PCSK5: variants seen among roughly 807,000 people sequenced by gnomAD.
PCSK5 encodes the protein prohormone convertase 5.
Under a neutral mutation model 233.2 loss-of-function variants are expected in PCSK5, and 129 were observed. The ratio of observed to expected loss-of-function variants is 0.55; its 90% confidence interval spans 0.48 to 0.64. PCSK5 has a LOEUF of 0.64. Among genes scored for constraint, PCSK5 ranks in the 30% least tolerant of loss-of-function variants. PCSK5 has a pLI of 0.00. For synonymous variants in PCSK5, 825 were observed against 879.2 expected, an observed-to-expected ratio of 0.94 and a Z score of 1.09; for missense variants, 2,076 against 2,430.1, an observed-to-expected ratio of 0.85 and a Z score of 3.06.
At position 76,068,151 on chromosome 9, in the gene PCSK5, T is replaced by C. The variant is rs553682837; in HGVS notation, c.721+108T>C. On this transcript the variant is annotated intron_variant, in intron 6 of 37. Coordinates refer to ENST00000674117, the MANE Select transcript of PCSK5 (RefSeq NM_001372043.1). ...GAGGTTAAACGATTGGGCATATCTC[T>C]ACCTAATAGTGTTCAACTATTGCTG... is the stretch of plus-strand genomic sequence containing the variant. 63 of 700,260 alleles carry C rather than the reference T, an allele frequency of 9.0e-5. No homozygotes were observed. The East Asian group carries it at 9.1e-4, about 10-fold the overall frequency. 43.4% of individuals were successfully genotyped at this position (700,260 alleles called of 1,614,324 possible). A position where few individuals can be genotyped will look rare whatever the true frequency, so the allele number is the denominator to read the frequency against.
At chr9:75,950,713 A>G (rs1007030467) in intron 2 of PCSK5, among the ~76,000 whole-genome samples, 1 of 152,214 alleles carries the variant, frequency 6.6e-6, no homozygotes, top group Non-Finnish European at 1.5e-5. Flanking sequence ...AAGGAACAAC[A>G]GGTACCAGCC....
chr9:75,962,264 A>G (rs988701583), intron 2 of PCSK5, among the ~76,000 whole-genome samples: 1 of 152,120 alleles, frequency 6.6e-6, no homozygotes, highest in Non-Finnish European at 1.5e-5. Context: ...AAGGGTGGAT[A>G]TGTCGTTCTT....
intron 24 of PCSK5, among the ~76,000 whole-genome samples, chr9:76,246,355 A>C (rs891864546): frequency 9.6e-5 from 14 of 145,466 alleles, no homozygotes; most frequent in African/African-American, 3.6e-4. Context: ...AAAAAAAAAA[A>C]AAAAAAAAAA....
At chr9:76,005,253 C>T (rs910148106) in intron 3 of PCSK5, among the ~76,000 whole-genome samples, 2 of 152,096 alleles carry the variant, frequency 1.3e-5, no homozygotes, top group African/African-American at 4.8e-5. Context: ...TCTTTGGTTC[C>T]AAAGTTGCTT....
intron 17 of PCSK5, among the ~76,000 whole-genome samples, chr9:76,187,263 T>C (rs1222040784): frequency 9.2e-5 from 14 of 152,352 alleles, no homozygotes; most frequent in Admixed American, 6.5e-4. Context: ...CCTGTTTAGA[T>C]ACTGATCTTC....
chr9:76,082,625 A>G (rs1830888457), intron 7 of PCSK5, among the ~76,000 whole-genome samples: 2 of 151,966 alleles, frequency 1.3e-5, no homozygotes. Context: ...CCTTCAGTTT[A>G]CACAATCTGG....
At position 76,059,252 on chromosome 9, in the gene PCSK5, G is replaced by T. The variant is rs146342106; in HGVS notation, c.633-8703G>T. ...TAAATTTGTTTATTTGTAGATTCTG[G>T]ATATTAGACCTTTGTCAGATAGATA... On this transcript the variant is annotated intron_variant, in intron 5 of 37. Coordinates refer to ENST00000674117, the MANE Select transcript of PCSK5 (RefSeq NM_001372043.1). 2.8e-3 allele frequency among the ~76,000 whole-genome samples: 426 copies of T among 152,258 alleles called. 2 individuals are homozygous for T. The highest frequency in any genetic ancestry group is 9.5e-3 in the African/African-American group (396 of 41,542).
chr9:76,150,962 T>C (rs886385942), intron 10 of PCSK5, among the ~76,000 whole-genome samples: 1 of 151,622 alleles, frequency 6.6e-6, no homozygotes, highest in African/African-American at 2.4e-5. Flanking sequence ...CTTTCTTCCG[T>C]AGGAAGTTTC....
chr9:76,063,330 T>TA (rs1375561803), intron 5 of PCSK5, among the ~76,000 whole-genome samples: 1 of 136,120 alleles, frequency 7.3e-6, no homozygotes, highest in Non-Finnish European at 1.6e-5. Flanking sequence ...TTTTTTTTTT[T>TA]TTTTTTTTTT....
At chr9:76,300,842 A>G (rs759111444) in intron 27 of PCSK5, among the ~76,000 whole-genome samples, 2 of 152,204 alleles carry the variant, frequency 1.3e-5, no homozygotes, top group Non-Finnish European at 2.9e-5. Context: ...ATGAAATGAG[A>G]AAATGTATAT....
chr9:76,018,306 A>C (rs1481934810), intron 3 of PCSK5, among the ~76,000 whole-genome samples: 1 of 152,182 alleles, frequency 6.6e-6, no homozygotes, highest in Non-Finnish European at 1.5e-5. Flanking sequence ...ACTAACACAT[A>C]AGGGCTGTTT....
intron 8 of PCSK5, among the ~76,000 whole-genome samples, chr9:76,103,765 C>A (rs368049369): frequency 1.3e-5 from 2 of 152,274 alleles, no homozygotes; most frequent in South Asian, 4.1e-4. Context: ...GGTGTCCTTT[C>A]CAGTTTCCAT....
intron 10 of PCSK5, among the ~76,000 whole-genome samples, chr9:76,152,131 TTATTGA>T (rs761833552): frequency 2.0e-5 from 3 of 152,174 alleles, no homozygotes; most frequent in Non-Finnish European, 4.4e-5. Flanking sequence ...AGGAACTAGA[TTATTGA>T]TATTAACAGC....
chr9:76,345,003 G>C (rs906969522), intron 35 of PCSK5, among the ~76,000 whole-genome samples: 11 of 152,048 alleles, frequency 7.2e-5, no homozygotes, highest in African/African-American at 2.7e-4. Context: ...TTTAGAATTG[G>C]GGGTATATGT....
chr9:75,950,479 A>C (rs1824803755), intron 2 of PCSK5, among the ~76,000 whole-genome samples: 1 of 152,170 alleles, frequency 6.6e-6, no homozygotes, highest in Non-Finnish European at 1.5e-5. Flanking sequence ...CATCAGACTA[A>C]CAGCTGATCT....
At chr9:76,339,094 TCTCAATCTTGCCCC>T (rs1829760202) in intron 35 of PCSK5, among the ~76,000 whole-genome samples, 1 of 151,724 alleles carries the variant, frequency 6.6e-6, no homozygotes, top group East Asian at 1.9e-4. Flanking sequence ...TCACCCCAAC[TCTCAATCTTGCCCC>T]CACACCAGGT....
chr9:76,184,593 A>C (rs943858869), intron 16 of PCSK5, 80 bp from the exon 17 acceptor site: 1 of 850,960 alleles, frequency 1.2e-6, no homozygotes, highest in Non-Finnish European at 1.9e-6. Context: ...AGCATACATT[A>C]GCAAGCATTA....
At chr9:76,165,780 C>T (rs1787973101) in intron 12 of PCSK5, among the ~76,000 whole-genome samples, 2 of 152,198 alleles carry the variant, frequency 1.3e-5, no homozygotes, top group African/African-American at 2.4e-5. Flanking sequence ...ACATTTTACC[C>T]ACACTAATAA....
intron 7 of PCSK5, among the ~76,000 whole-genome samples, chr9:76,084,349 T>C (rs1830976831): frequency 6.6e-6 from 1 of 152,220 alleles, no homozygotes; most frequent in Non-Finnish European, 1.5e-5. Context: ...TATTCTAACC[T>C]TGTGTAGGTG....
Sources: allele counts gnomAD v4.1 joint callset (sites outside exome capture counted in the v4.1 genomes callset), GRCh38; gene constraint gnomAD v4.1.1; transcripts MANE v1.5; gene names NCBI Gene and HGNC (gene_info 2026-07-23, HGNC 2026-07-21).